DOP1A: variants seen among roughly 807,000 people sequenced by gnomAD.
DOP1A encodes the protein DOP1 leucine zipper like protein A.
DOP1A carries 90 observed loss-of-function variants against 267.6 expected under a neutral mutation model. The observed-to-expected ratio is 0.34, with a 90% CI of 0.28 to 0.40. The LOEUF is 0.40. DOP1A is among the 10% of genes least tolerant of loss of function. The probability of loss-of-function intolerance (pLI) is 1.00; values close to 1 mark genes in which losing one functional copy is unlikely to be tolerated. For synonymous variants in DOP1A, 932 were observed against 999.1 expected (o/e 0.93, Z 1.27); for missense variants, 2,437 against 2,900.4 (o/e 0.84, Z 3.67).
intron 17 of DOP1A, among the ~76,000 whole-genome samples, chr6:83,131,075 A>C (rs1446366007): frequency 1.3e-5 from 2 of 152,120 alleles, no homozygotes; most frequent in African/African-American, 4.8e-5. Context: ...AACTCTCATG[A>C]AAACTTTTTC....
At chr6:83,080,304 T>C (rs183096487) in intron 1 of DOP1A, among the ~76,000 whole-genome samples, 106 of 152,320 alleles carry the variant, frequency 7.0e-4, no homozygotes, top group Non-Finnish European at 1.3e-3. Flanking sequence ...AACTACTTCT[T>C]TCTATAGATA....
Position 83,168,229 on chromosome 6 carries a change from C to T in DOP1A, c.*62C>T. The T allele has an allele frequency of 6.6e-7, 1 of 1,521,518 alleles. No homozygotes were observed. The highest frequency in any genetic ancestry group is 8.8e-7 in the Non-Finnish European group (1 of 1,142,818). The allele number at this position is 1,521,518 out of a possible 1,614,324, so 94.3% of individuals were successfully genotyped here. On this transcript the variant is annotated 3_prime_UTR_variant, in exon 39 of 39. Transcript: ENST00000349129. ...GTAATTATTTAAAACACACACACTGCTCTGCGTTGTATAGTTTTTCCTTTT... is the reference window on the plus strand; with the variant it reads ...GTAATTATTTAAAACACACACACTGTTCTGCGTTGTATAGTTTTTCCTTTT...
intron 15 of DOP1A, among the ~76,000 whole-genome samples, chr6:83,127,226 G>T (rs1025462483): frequency 2.0e-5 from 3 of 152,124 alleles, no homozygotes; most frequent in African/African-American, 7.2e-5. Flanking sequence ...TTCTAACCTG[G>T]TGGCTGGTGG....
At chr6:83,071,450 G>T (rs1040629397) in intron 1 of DOP1A, among the ~76,000 whole-genome samples, 6 of 152,004 alleles carry the variant, frequency 3.9e-5, no homozygotes, top group African/African-American at 1.2e-4. Flanking sequence ...CAGGTTATCC[G>T]CCTCGCCTCT....
chr6:83,099,680 A>ATGTGTGTGTG (rs373165064), intron 3 of DOP1A, among the ~76,000 whole-genome samples: 13 of 138,992 alleles, frequency 9.4e-5, no homozygotes, highest in African/African-American at 3.4e-4. Flanking sequence ...AGGATTGCAT[A>ATGTGTGTGTG]TGTGTGTGTG....
At chr6:83,158,658 T>C in intron 36 of DOP1A, 36 bp downstream of exon 36, 1 of 1,423,074 alleles carries the variant, frequency 7.0e-7, no homozygotes, top group Non-Finnish European at 9.8e-7. Flanking sequence ...TGTCCATTTT[T>C]TAATACCCTG....
At chr6:83,150,304 C>G (rs759426023) in intron 27 of DOP1A, among the ~76,000 whole-genome samples, 1 of 152,152 alleles carries the variant, frequency 6.6e-6, no homozygotes, top group Non-Finnish European at 1.5e-5. Context: ...AATGTATGTA[C>G]AGGTGTTGGA....
chr6:83,120,600 T>C (rs757185380), intron 9 of DOP1A, 83 bp from the exon 10 acceptor site: 4 of 1,149,080 alleles, frequency 3.5e-6, no homozygotes, highest in Non-Finnish European at 3.6e-6. Context: ...TTATATATGG[T>C]TGCATTTAAA....
rs1474994561 is a variant in DOP1A at position 83,145,685 on chromosome 6, G to A, written c.5676+27G>A. The A allele has an allele frequency of 1.9e-6, 3 of 1,602,668 alleles. No individual in the cohort carries two copies. The African/African-American group carries it at 4.0e-5, about 22-fold the overall frequency. Reference sequence around the variant, plus strand: ...TAAGAAAAAACTCTTCTTCACATGTGTTTACAATTCTGTTTCAGAAATTAT... The same window carrying A: ...TAAGAAAAAACTCTTCTTCACATGTATTTACAATTCTGTTTCAGAAATTAT... On this transcript the variant is annotated intron_variant, in intron 25 of 38. Transcript: ENST00000349129.
Position 83,130,300 on chromosome 6 carries a change from C to A in DOP1A, c.2519C>A (p.Pro840His). 1 of 1,613,972 alleles carries A rather than the reference C, an allele frequency of 6.2e-7. No homozygotes were observed. Among genetic ancestry groups the A allele is most frequent in the Non-Finnish European group, 8.5e-7 (1 of 1,179,962 alleles). The change falls in exon 17 of 39, where the codon CCC becomes CAC. Residue 840 changes from proline to histidine, a missense_variant. Around this residue, in one of 9 missense-constraint regions of DOP1A, gnomAD observed 878 missense variants for 992.9 expected, o/e 0.88. Transcript: ENST00000349129. ...ATCAACAGTGTAGAGCCTGCACAACCCTTAAGTCCAAACCAGGGAAGAGTA... is the reference window on the plus strand; with the variant it reads ...ATCAACAGTGTAGAGCCTGCACAACACTTAAGTCCAAACCAGGGAAGAGTA... ...ENINSVEPAQ[P>H]LSPNQGRVAV...
chr6:83,099,828 C>CA (rs1371648870), intron 3 of DOP1A, among the ~76,000 whole-genome samples: 1 of 151,348 alleles, frequency 6.6e-6, no homozygotes, highest in South Asian at 2.1e-4. Flanking sequence ...TATATTATGG[C>CA]AAAAAAACAC....
At chr6:83,117,585 T>A (rs867580675) in intron 7 of DOP1A, among the ~76,000 whole-genome samples, 1 of 152,264 alleles carries the variant, frequency 6.6e-6, no homozygotes, top group Non-Finnish European at 1.5e-5. Context: ...ACAAGTATAG[T>A]AGGTGCAGCT....
At chr6:83,110,379 C>A in intron 6 of DOP1A, 65 bp downstream of exon 6, 1 of 1,498,002 alleles carries the variant, frequency 6.7e-7, no homozygotes, top group Non-Finnish European at 9.1e-7. Flanking sequence ...CTATTCCAGA[C>A]ATATATTGAG....
At chr6:83,085,173 AAAAAC>A (rs1321255306) in intron 1 of DOP1A, among the ~76,000 whole-genome samples, 3 of 152,222 alleles carry the variant, frequency 2.0e-5, no homozygotes, top group Admixed American at 6.5e-5. Flanking sequence ...TTTTCTCAGA[AAAAAC>A]AAACGAAAAT....
chr6:83,110,072 T>C (rs1774292337), intron 5 of DOP1A, 53 bp from the exon 6 acceptor site: 4 of 1,483,800 alleles, frequency 2.7e-6, no homozygotes, highest in South Asian at 1.5e-5. Context: ...ATTTATTTTT[T>C]AAAATATGAA....
Position 83,140,301 on chromosome 6 carries a change from T to C in DOP1A, c.5313T>C (p.Ser1771=), listed in dbSNP as rs1779406772. ...ILSILHMIMS[S]VTLLWSILHQ... ...CAATCCTTCATATGATCATGTCCTC[T>C]GTGACACTGCTTTGGAGCATACTGC... Residue 1771 remains serine, a synonymous_variant, in exon 23 of 39, where the codon TCT becomes TCC. Coordinates refer to ENST00000349129, the MANE Select transcript of DOP1A (RefSeq NM_015018.4). The C allele has an allele frequency of 1.9e-6, 3 of 1,613,714 alleles. No individual in the cohort carries two copies. Among genetic ancestry groups the C allele is most frequent in the Non-Finnish European group, 2.5e-6 (3 of 1,179,904 alleles).
chr6:83,152,213 C>A lies in DOP1A; in HGVS notation c.6050-75C>A, dbSNP rs935916863. The A allele has an allele frequency of 5.5e-5, 17 of 308,984 alleles. No homozygotes were observed. The East Asian group carries it at 1.3e-3, about 24-fold the overall frequency. The allele number at this position is 308,984 out of a possible 1,614,324, so 19.1% of individuals were successfully genotyped here. On this transcript the variant is annotated intron_variant, in intron 29 of 38. Transcript: ENST00000349129. ...TATATATACATATATAAAAATAATA[C>A]ACACACACACACACACACATAAAAT...
chr6:83,075,309 G>A (rs545565531), intron 1 of DOP1A, among the ~76,000 whole-genome samples: 1 of 152,312 alleles, frequency 6.6e-6, no homozygotes, highest in African/African-American at 2.4e-5. Context: ...TAAAATGACA[G>A]ATGAGGTCTC....
intron 15 of DOP1A, among the ~76,000 whole-genome samples, chr6:83,126,732 A>G (rs1777219252): frequency 6.6e-6 from 1 of 152,154 alleles, no homozygotes; most frequent in African/African-American, 2.4e-5. Flanking sequence ...TGACAGAGGA[A>G]GAAGTATAAC....
Sources: gnomAD v4.1 joint callset for allele counts (sites outside exome capture counted in the v4.1 genomes callset) on GRCh38, gnomAD v4.1.1 for gene constraint, gnomAD v4.1.1 regional missense constraint, MANE v1.5 for transcripts, NCBI Gene and HGNC (gene_info 2026-07-23, HGNC 2026-07-21) for gene names.